Variants in AGBL1 observed in about 807,000 individuals in gnomAD.
AGBL1 encodes AGBL carboxypeptidase 1.
AGBL1 carries 130 observed loss-of-function variants against 118.9 expected under a neutral mutation model. The observed-to-expected ratio is 1.09, with a 90% confidence interval of 0.95 to 1.26. The LOEUF (loss-of-function observed/expected upper bound fraction) is 1.26. Among genes scored for constraint, AGBL1 ranks in the 50% most tolerant of loss-of-function variants. The pLI is 0.00. For missense variants in AGBL1, 1,584 were observed against 1,298.1 expected (o/e 1.22, Z -3.38); for synonymous variants, 555 against 478.9 (o/e 1.16, Z -2.08).
chr15:86,917,981 TG>T (rs567532045), downstream of AGBL1, among the ~76,000 whole-genome samples: 4 of 152,212 alleles, frequency 2.6e-5, no homozygotes, highest in Non-Finnish European at 5.9e-5. The surrounding 1 kb of genome is among the most constrained non-coding windows in gnomAD (Gnocchi z 4.8). Flanking sequence ...CCCAAGCAGC[TG>T]GGTTCTCATT....
chr15:86,979,501 G>T (rs904323941), intron 23 of AGBL1, among the ~76,000 whole-genome samples: 2 of 140,140 alleles, frequency 1.4e-5, no homozygotes, highest in African/African-American at 2.5e-5. Context: ...TTTTTTTGGC[G>T]GGGGGGAGAT....
chr15:86,895,050 CTTCT>C (rs1022287596), intron 22 of AGBL1, among the ~76,000 whole-genome samples: 1 of 130,164 alleles, frequency 7.7e-6, no homozygotes, highest in African/African-American at 3.0e-5. Flanking sequence ...CCTTTTGTTC[CTTCT>C]TTCTTTTATC....
chr15:86,684,651 C>G (rs893807393), intron 22 of AGBL1, among the ~76,000 whole-genome samples: 3 of 152,024 alleles, frequency 2.0e-5, no homozygotes, highest in Non-Finnish European at 4.4e-5. Context: ...AGACATAAGG[C>G]TTAAATTCAA....
At chr15:86,837,224 CAAA>C (rs71230682) in intron 22 of AGBL1, among the ~76,000 whole-genome samples, 1 of 137,522 alleles carries the variant, frequency 7.3e-6, no homozygotes. Context: ...TCCTGACTAT[CAAA>C]AAAAAAAAAA....
rs571689863 is a variant in AGBL1 at position 86,804,804 on chromosome 15, G to A, written c.3159-102283G>A. On this transcript the variant is annotated intron_variant, in intron 22 of 22. Transcript: ENST00000614907. ...GTCTGCATAGAAGGAAAGCCACAGA[G>A]GATTTTAATGTCTAAATACCAAAGT... Among the ~76,000 whole-genome samples the A allele has an allele frequency of 3.3e-5, 5 of 152,226 alleles. No individual in the cohort carries two copies. The East Asian group carries it at 9.7e-4, about 29-fold the overall frequency.
intron 22 of AGBL1, among the ~76,000 whole-genome samples, chr15:86,748,071 T>C (rs2077784694): frequency 2.0e-5 from 3 of 152,212 alleles, no homozygotes; most frequent in African/African-American, 7.2e-5. Flanking sequence ...TCCATCATGG[T>C]TGAACTAGTT....
chr15:86,226,430 G>A (rs2078364198), intron 6 of AGBL1, among the ~76,000 whole-genome samples: 1 of 152,138 alleles, frequency 6.6e-6, no homozygotes, highest in Admixed American at 6.5e-5. Context: ...AGGACTTGAT[G>A]TTTCATGGGA....
intron 18 of AGBL1, among the ~76,000 whole-genome samples, chr15:86,459,912 T>G (rs559875995): frequency 6.6e-6 from 1 of 152,064 alleles, no homozygotes; most frequent in East Asian, 1.9e-4. Context: ...TGACCAGTGA[T>G]TTGCTATATG....
intron 17 of AGBL1, among the ~76,000 whole-genome samples, chr15:86,366,266 C>T (rs1178062549): frequency 6.6e-6 from 1 of 152,154 alleles, no homozygotes; most frequent in Non-Finnish European, 1.5e-5. Flanking sequence ...TAAGTTAACA[C>T]ACCAGAATTT....
chr15:86,489,351 C>G (rs543522419), intron 18 of AGBL1, among the ~76,000 whole-genome samples: 165 of 152,246 alleles, frequency 1.1e-3, no homozygotes, highest in Non-Finnish European at 1.1e-3. Flanking sequence ...TCTGCTTGCG[C>G]TAATGATAGT....
chr15:86,421,631 G>A, intron 18 of AGBL1, among the ~76,000 whole-genome samples: 1 of 152,134 alleles, frequency 6.6e-6, no homozygotes, highest in Non-Finnish European at 1.5e-5. Flanking sequence ...TGGGCTAAAT[G>A]CCCCAATTAA....
chr15:86,956,217 T>TAGATAGA lies in AGBL1; in HGVS notation c.3222-31770_3222-31769insAGATAGA, dbSNP rs747578838. Among the ~76,000 whole-genome samples the TAGATAGA allele has an allele frequency of 3.4e-5, 5 of 147,704 alleles. No individual in the cohort carries two copies. In the South Asian group the frequency reaches 1.1e-3, roughly 33 times the overall value. ...TATAGATAGGTAGATAGATGATTGA[T>TAGATAGA]TAGATAGATAGATAGATAGATAGAT... On this transcript the variant is annotated intron_variant, in intron 23 of 24. Transcript: ENST00000441037.
intron 17 of AGBL1, among the ~76,000 whole-genome samples, chr15:86,330,425 G>A (rs181213509): frequency 1.1e-4 from 16 of 152,264 alleles, no homozygotes; most frequent in South Asian, 2.1e-4. Flanking sequence ...GTCACATTCC[G>A]TAGGGAAGAG....
chr15:86,439,991 A>AT (rs145340463), intron 18 of AGBL1, among the ~76,000 whole-genome samples: 5 of 152,014 alleles, frequency 3.3e-5, no homozygotes, highest in Non-Finnish European at 7.4e-5. Context: ...TTTAGCCATA[A>AT]TTTTTTCCCT....
At position 86,126,253 on chromosome 15, in the gene AGBL1, G is replaced by A. The variant is rs1425554345; in HGVS notation, c.52-15751G>A. 2.6e-5 allele frequency among the ~76,000 whole-genome samples: 4 copies of A among 152,116 alleles called. No individual in the cohort carries two copies. The East Asian group carries it at 5.8e-4, about 22-fold the overall frequency. ...GTGTGAACTATAAGAAAGATGAAAT[G>A]TCATCAGTTTCTATTCAGCCTTATT... On this transcript the variant is annotated intron_variant, in intron 1 of 22. Coordinates refer to ENST00000614907, the MANE Select transcript of AGBL1 (RefSeq NM_001386094.1).
chr15:86,522,707 A>G, intron 18 of AGBL1, 103 bp from the exon 19 acceptor site: 1 of 1,384,468 alleles, frequency 7.2e-7, no homozygotes, highest in Non-Finnish European at 9.7e-7. Flanking sequence ...ATCAGAGGAA[A>G]GTTTTGAAGT....
intron 6 of AGBL1, among the ~76,000 whole-genome samples, chr15:86,242,591 A>AG (rs2078657292): frequency 6.6e-6 from 1 of 152,182 alleles, no homozygotes; most frequent in Admixed American, 6.5e-5. Context: ...CAAGGCAGGG[A>AG]GGGGTACATG....
chr15:86,978,797 G>C (rs1451083039), intron 23 of AGBL1, among the ~76,000 whole-genome samples: 1 of 152,108 alleles, frequency 6.6e-6, no homozygotes, highest in Non-Finnish European at 1.5e-5. Flanking sequence ...GGCAAGATAT[G>C]GAGCCTCTTA....
intron 18 of AGBL1, among the ~76,000 whole-genome samples, chr15:86,467,917 T>A (rs2082427662): frequency 6.6e-6 from 1 of 152,154 alleles, no homozygotes; most frequent in African/African-American, 2.4e-5. Context: ...ACTGGAGCTG[T>A]TTCTATTTGG....
Sources: allele counts gnomAD v4.1 joint callset (sites outside exome capture counted in the v4.1 genomes callset), GRCh38; gene constraint gnomAD v4.1.1; non-coding constraint Gnocchi (gnomAD v3.1); transcripts MANE v1.5; gene names NCBI Gene and HGNC (gene_info 2026-07-23, HGNC 2026-07-21).